The following DPP10 variants were observed in gnomAD, a reference collection of about 807,000 sequenced individuals.
The protein encoded by DPP10 is inactive dipeptidyl peptidase 10.
DPP10 carries 33 observed loss-of-function variants against 120.9 expected under a neutral mutation model. The observed-to-expected ratio is 0.27, with a 90% CI of 0.21 to 0.37. The LOEUF (loss-of-function observed/expected upper bound fraction) is 0.37, where lower values mean the gene tolerates loss of function less well. Ranked by LOEUF, DPP10 falls within the 10% of genes least tolerant of loss-of-function variation. The pLI is 1.00. For missense variants in DPP10, 816 were observed against 942.8 expected, an observed-to-expected ratio of 0.87 and a Z score of 1.76; for synonymous variants, 337 against 326.1, an observed-to-expected ratio of 1.03 and a Z score of -0.36.
chr2:115,491,363 G>A (rs112689256), intron 3 of DPP10, among the ~76,000 whole-genome samples: 7,892 of 152,170 alleles, frequency 0.052, 333 homozygotes, highest in Non-Finnish European at 0.075. Context: ...CACGAAACAC[G>A]GCTGGCAGTT....
chr2:114,483,781 A>G (rs1008408134), intron 1 of DPP10, among the ~76,000 whole-genome samples: 1 of 152,160 alleles, frequency 6.6e-6, no homozygotes, highest in African/African-American at 2.4e-5. Flanking sequence ...CACATGCTGT[A>G]TATTAAATAA....
intron 2 of DPP10, among the ~76,000 whole-genome samples, chr2:115,324,867 G>C (rs111940278): frequency 2.2e-4 from 34 of 152,114 alleles, no homozygotes; most frequent in African/African-American, 8.0e-4. Context: ...ATACTTAGAG[G>C]CTACTGTTGC....
intron 5 of DPP10, among the ~76,000 whole-genome samples, chr2:115,660,655 C>CTTTTTTTTTTTTTTT: frequency 3.2e-4 from 8 of 25,322 alleles, no homozygotes; most frequent in African/African-American, 4.7e-4. Flanking sequence ...CTCTGTCTGG[C>CTTTTTTTTTTTTTTT]TTTTTTTTTT....
chr2:114,891,920 C>T (rs1239588277), intron 1 of DPP10, among the ~76,000 whole-genome samples: 1 of 152,124 alleles, frequency 6.6e-6, no homozygotes, highest in Non-Finnish European at 1.5e-5. Flanking sequence ...ACAGGATGTG[C>T]CTCATGCTGA....
At chr2:115,457,690 G>A (rs843441) in intron 3 of DPP10, among the ~76,000 whole-genome samples, 125,839 of 152,004 alleles carry the variant, frequency 0.83, 55,135 homozygotes, top group Non-Finnish European at 0.97. Context: ...GGCAAAATGC[G>A]GAGAGACTAG....
At chr2:114,884,615 A>G (rs1044196630) in intron 1 of DPP10, among the ~76,000 whole-genome samples, 8 of 152,134 alleles carry the variant, frequency 5.3e-5, no homozygotes, top group African/African-American at 1.9e-4. Flanking sequence ...TTATATGAAT[A>G]TGTTCTTTAA....
chr2:114,814,632 G>C lies in DPP10; in HGVS notation c.60+371794G>C, dbSNP rs963223611. Among the ~76,000 whole-genome samples the C allele has an allele frequency of 3.4e-5, 5 of 148,636 alleles. No individual in the cohort carries two copies. The East Asian group carries it at 7.7e-4, about 23-fold the overall frequency. The stretch of plus-strand genomic sequence containing the variant: ...CCGTAGTAGATATGGTGGCTCTCGA[G>C]GGTCCTCATGCAGTGGCTGCAGGAC... On this transcript the variant is annotated intron_variant, in intron 1 of 25. Transcript: ENST00000410059.
intron 1 of DPP10, among the ~76,000 whole-genome samples, chr2:115,295,215 G>A (rs1216439300): frequency 6.6e-6 from 1 of 151,992 alleles, no homozygotes; most frequent in Non-Finnish European, 1.5e-5. Context: ...ACACTGACTG[G>A]CTTTGAGGCG....
chr2:115,782,515 G>A, intron 17 of DPP10, 116 bp downstream of exon 17: 2 of 950,354 alleles, frequency 2.1e-6, no homozygotes, highest in Non-Finnish European at 3.3e-6. Flanking sequence ...TCCCCACCAT[G>A]AGGAAAGCTG....
chr2:115,379,822 T>C (rs1408605506), intron 3 of DPP10, among the ~76,000 whole-genome samples: 1 of 152,234 alleles, frequency 6.6e-6, no homozygotes. Flanking sequence ...CCAGTAGTCA[T>C]TCAGGAGCAG....
At chr2:115,016,139 T>G (rs1452991416) in intron 1 of DPP10, among the ~76,000 whole-genome samples, 1 of 152,100 alleles carries the variant, frequency 6.6e-6, no homozygotes, top group Non-Finnish European at 1.5e-5. Flanking sequence ...ATGGGATTGG[T>G]ACCAAAACAG....
intron 24 of DPP10, among the ~76,000 whole-genome samples, chr2:115,838,018 A>T (rs549077344): frequency 6.6e-6 from 1 of 152,208 alleles, no homozygotes; most frequent in Non-Finnish European, 1.5e-5. Flanking sequence ...GGGTTTAGTT[A>T]GTGGTAGTAT....
rs1306356321 is a variant in DPP10, at chr2:115,171,164, C to A, written c.61-138075C>A. 2.0e-5 allele frequency among the ~76,000 whole-genome samples: 3 copies of A among 151,922 alleles called. No individual in the cohort carries two copies. In the East Asian group the frequency reaches 5.8e-4, roughly 29 times the overall value. ...TCACCTGAGGTCAGGAGTTTGAGACCAGGCTGGCCAACATGGTGAAACCTT... is the reference window on the plus strand; with the variant it reads ...TCACCTGAGGTCAGGAGTTTGAGACAAGGCTGGCCAACATGGTGAAACCTT... On this transcript the variant is annotated intron_variant, in intron 1 of 25. Transcript: ENST00000410059.
chr2:114,472,232 A>C (rs1679980225), intron 1 of DPP10, among the ~76,000 whole-genome samples: 1 of 152,220 alleles, frequency 6.6e-6, no homozygotes, highest in African/African-American at 2.4e-5. Context: ...GGAGCAAGGC[A>C]TCCACTGAAG....
intron 1 of DPP10, among the ~76,000 whole-genome samples, chr2:115,110,945 A>C (rs866724803): frequency 6.6e-5 from 10 of 152,156 alleles, no homozygotes; most frequent in Admixed American, 5.2e-4. Context: ...TATGTAGCTA[A>C]AATTGTGCTC....
chr2:115,339,017 C>A (rs970753563), intron 2 of DPP10, among the ~76,000 whole-genome samples: 6 of 152,086 alleles, frequency 3.9e-5, no homozygotes, highest in Non-Finnish European at 8.8e-5. Flanking sequence ...GAAAAGACAA[C>A]TTACAGACTG....
In DPP10 at chr2:115,650,407, GA is replaced by G. The variant is rs1389373807; in HGVS notation, c.442-39277del. Among the ~76,000 whole-genome samples the G allele has an allele frequency of 5.5e-4, 52 of 94,894 alleles. 1 individual carries two copies. Among genetic ancestry groups the G allele is most frequent in the Admixed American group, 4.2e-3 (41 of 9,716 alleles). The allele number at this position is 94,894 out of a possible 152,430, so 62.3% of individuals were successfully genotyped here. A position where few individuals can be genotyped will look rare whatever the true frequency, so the allele number is the denominator to read the frequency against. On this transcript the variant is annotated intron_variant, in intron 5 of 25. Transcript: ENST00000410059. Reference sequence around the variant, plus strand: ...AGATAAAGGCACATGCTGGCATGGGGAAAGGGGGGGGGGGATAATCCACTTG... The same window carrying G: ...AGATAAAGGCACATGCTGGCATGGGGAAGGGGGGGGGGGATAATCCACTTG...
At chr2:115,700,368 T>A (rs2091831939) in intron 7 of DPP10, among the ~76,000 whole-genome samples, 1 of 152,150 alleles carries the variant, frequency 6.6e-6, no homozygotes, top group African/African-American at 2.4e-5. Flanking sequence ...TAAGCATTTT[T>A]AAAAATTTAA....
In DPP10 at chr2:115,782,334, C is replaced by T. The variant is rs970155577; in HGVS notation, c.1484-18C>T. 1.4e-5 allele frequency: 23 copies of T among 1,597,666 alleles called. No individual in the cohort carries two copies. The Admixed American group carries it at 2.3e-4, about 16-fold the overall frequency. On this transcript the variant is annotated intron_variant, in intron 16 of 25. Transcript: ENST00000410059. ...AGACATCTTTAAAAATATTTATACA[C>T]ATATTTTTAAATTCCAGGTCCAAGG...
Sources: allele counts gnomAD v4.1 joint callset (sites outside exome capture counted in the v4.1 genomes callset), GRCh38; gene constraint gnomAD v4.1.1; transcripts MANE v1.5; gene names NCBI Gene and HGNC (gene_info 2026-07-23, HGNC 2026-07-21).